Variants in PIK3CG observed in about 807,000 individuals in gnomAD.
PIK3CG encodes phosphatidylinositol 4,5-bisphosphate 3-kinase catalytic subunit gamma isoform.
PIK3CG carries 55 observed loss-of-function variants against 102.3 expected under a neutral mutation model. The observed-to-expected ratio is 0.54, with a 90% CI of 0.43 to 0.67. The LOEUF is 0.67. Ranked by LOEUF, PIK3CG falls within the 30% of genes least tolerant of loss-of-function variation. The pLI is 0.00. For synonymous variants in PIK3CG, 552 were observed against 540.0 expected (o/e 1.02, Z -0.31); for missense variants, 1,258 against 1,391.8 (o/e 0.90, Z 1.53).
chr7:106,898,854 G>C (rs560621184), intron 10 of PIK3CG, among the ~76,000 whole-genome samples: 26 of 152,102 alleles, frequency 1.7e-4, no homozygotes, highest in African/African-American at 6.0e-4. Context: ...TTGGCTATTT[G>C]GGCTCTTTTT....
At chr7:106,885,332 GAGAAAGAAC>G (rs1791054391) in intron 9 of PIK3CG, among the ~76,000 whole-genome samples, 1 of 152,160 alleles carries the variant, frequency 6.6e-6, no homozygotes, top group African/African-American at 2.4e-5. Flanking sequence ...AGATGTTGCA[GAGAAAGAAC>G]AGAAAGAACT....
chr7:106,905,344 A>C lies in PIK3CG; in HGVS notation c.3266A>C (p.His1089Pro), dbSNP rs2116619706. ...ACTGTGCAGTTTAATTGGTTTCTAC[A>C]TCTTGTTCTTGGCATCAAACAAGGA... Reference protein sequence around the residue: ...GWTVQFNWFLHLVLGIKQGEK... With the variant: ...GWTVQFNWFLPLVLGIKQGEK... Residue 1089 changes from histidine (H) to proline (P), a missense_variant, in exon 11 of 11, where the codon CAT becomes CCT. By Grantham distance (77) the His-to-Pro change is moderately conservative. This residue lies in a region of PIK3CG where 426 missense variants were observed against 604.2 expected (regional missense o/e 0.71). Coordinates refer to ENST00000496166, the MANE Select transcript of PIK3CG (RefSeq NM_001282426.2). The surrounding 1 kb of genome is among the most constrained non-coding windows in gnomAD (Gnocchi z 5.6). The C allele has an allele frequency of 6.2e-7, 1 of 1,614,076 alleles. No individual in the cohort carries two copies. The highest frequency in any genetic ancestry group is 8.5e-7 in the Non-Finnish European group (1 of 1,179,924).
Position 106,867,520 on chromosome 7 carries a change from T to C in PIK3CG, c.-12-30T>C, listed in dbSNP as rs2116414729. On this transcript the variant is annotated intron_variant, in intron 1 of 10. Coordinates refer to ENST00000496166, the MANE Select transcript of PIK3CG (RefSeq NM_001282426.2). This position sits in a 1 kb window ranked among gnomAD's most constrained non-coding sequence, Gnocchi z 5.1. ...ATATAAGGGGAAAGTGCCTTTCTTG[T>C]GACAAATCCCTGTGTCCCTCCGCTC... is the stretch of plus-strand genomic sequence containing the variant. 1 of 1,515,700 alleles carries C rather than the reference T, an allele frequency of 6.6e-7. No homozygotes were observed. The highest frequency in any genetic ancestry group is 8.8e-7 in the Non-Finnish European group (1 of 1,132,478). 93.9% of individuals were successfully genotyped at this position (1,515,700 alleles called of 1,614,324 possible). A position where few individuals can be genotyped will look rare whatever the true frequency, so the allele number is the denominator to read the frequency against.
Position 106,903,490 on chromosome 7 carries a change from A to G in PIK3CG, c.3031-1619A>G, listed in dbSNP as rs1316171214. ...TTTAAGAGTATAAAAATTATAAATT[A>G]TAAAAATTATAAAAGCATAGGTTCT... is the stretch of plus-strand genomic sequence containing the variant. On this transcript the variant is annotated intron_variant, in intron 10 of 10. Coordinates refer to ENST00000496166, the MANE Select transcript of PIK3CG (RefSeq NM_001282426.2). The surrounding 1 kb of genome is among the most constrained non-coding windows in gnomAD (Gnocchi z 4.3). Among the ~76,000 whole-genome samples the G allele has an allele frequency of 6.6e-6, 1 of 151,820 alleles. No individual in the cohort carries two copies. Among genetic ancestry groups the G allele is most frequent in the Non-Finnish European group, 1.5e-5 (1 of 67,948 alleles).
rs1468376865 is a variant in PIK3CG at position 106,903,547 on chromosome 7, GTTA to G, written c.3031-1559_3031-1557del. ...TTTATGTGTTCATCCTAGGAATCATGTTATTGTTGTTACCATTGATTTTAGCAT... is the reference window on the plus strand; with the variant it reads ...TTTATGTGTTCATCCTAGGAATCATGTTGTTGTTACCATTGATTTTAGCAT... On this transcript the variant is annotated intron_variant, in intron 10 of 10. Transcript: ENST00000496166. This position sits in a 1 kb window ranked among gnomAD's most constrained non-coding sequence, Gnocchi z 4.3. Among the ~76,000 whole-genome samples the G allele has an allele frequency of 6.6e-6, 1 of 151,704 alleles. No individual in the cohort carries two copies.
chr7:106,896,716 G>A (rs537379319), intron 10 of PIK3CG, among the ~76,000 whole-genome samples: 1 of 152,284 alleles, frequency 6.6e-6, no homozygotes, highest in African/African-American at 2.4e-5. Context: ...AATGCAGAGG[G>A]GATGGTAGGC....
chr7:106,901,799 G>T (rs944744748), intron 10 of PIK3CG, among the ~76,000 whole-genome samples: 1 of 152,184 alleles, frequency 6.6e-6, no homozygotes, highest in Non-Finnish European at 1.5e-5. Context: ...CTGACTTCTT[G>T]TCCCTGGTTT....
chr7:106,878,496 G>GGCTCAGTCTGGATTTCCTTCCTCTGT, intron 5 of PIK3CG, among the ~76,000 whole-genome samples: 1 of 152,000 alleles, frequency 6.6e-6, no homozygotes, highest in African/African-American at 2.4e-5. Context: ...CTGGACTCTG[G>GGCTCAGTCTGGATTTCCTTCCTCTGT]GCTCAGTCTG....
chr7:106,890,923 A>T lies in PIK3CG; in HGVS notation c.3030+4631A>T, dbSNP rs1167970515. Among the ~76,000 whole-genome samples, 1 of 152,238 alleles carries T rather than the reference A, an allele frequency of 6.6e-6. No individual in the cohort carries two copies. The highest frequency in any genetic ancestry group is 6.5e-5 in the Admixed American group (1 of 15,288). On this transcript the variant is annotated intron_variant, in intron 10 of 10. Coordinates refer to ENST00000496166, the MANE Select transcript of PIK3CG (RefSeq NM_001282426.2). The surrounding 1 kb of genome is among the most constrained non-coding windows in gnomAD (Gnocchi z 4.2). ...ATGCTCTGTGCTGCCCTGTGGTCTC[A>T]GCATAAATGTCATTCTGCAGAGCAG...
chr7:106,868,656 C>G lies in PIK3CG; in HGVS notation c.1095C>G (p.Ile365Met), dbSNP rs1209717028. 1 of 1,614,096 alleles carries G rather than the reference C, an allele frequency of 6.2e-7. No individual in the cohort carries two copies. The highest frequency in any genetic ancestry group is 1.3e-5 in the African/African-American group (1 of 74,946). ...WDCDRKFRVK[I>M]RGIDIPVLPR... is the part of the protein sequence containing the mutation. The stretch of plus-strand genomic sequence containing the variant: ...GCGACCGCAAGTTCAGGGTCAAGAT[C>G]AGAGGCATTGATATCCCCGTCCTGC... Residue 365 changes from isoleucine (I) to methionine (M), a missense_variant, in exon 2 of 11, where the codon ATC (isoleucine) becomes ATG (methionine). By Grantham distance (10) the Ile-to-Met change is conservative. This residue lies in a region of PIK3CG where 832 missense variants were observed against 787.5 expected (regional missense o/e 1.06). Coordinates refer to ENST00000496166, the MANE Select transcript of PIK3CG (RefSeq NM_001282426.2). The surrounding 1 kb of genome is among the most constrained non-coding windows in gnomAD (Gnocchi z 6.2).
chr7:106,883,800 T>C lies in PIK3CG; in HGVS notation c.2761-355T>C, dbSNP rs1791010032. ...TGGGGATCTGTGAACCCAAGCATAC[T>C]CTTAGTGGTCACAAGCAAAACATGT... On this transcript the variant is annotated intron_variant, in intron 8 of 10. Coordinates refer to ENST00000496166, the MANE Select transcript of PIK3CG (RefSeq NM_001282426.2). This position sits in a 1 kb window ranked among gnomAD's most constrained non-coding sequence, Gnocchi z 5.8. Among the ~76,000 whole-genome samples, 1 of 152,208 alleles carries C rather than the reference T, an allele frequency of 6.6e-6. No individual in the cohort carries two copies.
rs1186687728 is a variant in PIK3CG, at chr7:106,868,231, A to G, written c.670A>G (p.Ile224Val). 8 of 1,612,890 alleles carry G rather than the reference A, an allele frequency of 5.0e-6. No individual in the cohort carries two copies. The highest frequency in any genetic ancestry group is 6.8e-6 in the Non-Finnish European group (8 of 1,180,012). Residue 224 changes from isoleucine (I) to valine (V), a missense_variant, in exon 2 of 11, where the codon ATT becomes GTT. Coordinates refer to ENST00000496166, the MANE Select transcript of PIK3CG (RefSeq NM_001282426.2). This position sits in a 1 kb window ranked among gnomAD's most constrained non-coding sequence, Gnocchi z 6.2. Reference sequence around the variant, plus strand: ...TGCCAACAACTGCATCTTCATCGTCATTCACCGCAGCACCACCAGCCAGAC... The same window carrying G: ...TGCCAACAACTGCATCTTCATCGTCGTTCACCGCAGCACCACCAGCCAGAC... ...KIANNCIFIV[I>V]HRSTTSQTIK... is the part of the protein sequence containing the mutation.
rs936320603 is a variant in PIK3CG, at chr7:106,907,779, AAT to A, written c.*2403_*2404del. Among the ~76,000 whole-genome samples, 41 of 147,132 alleles carry A rather than the reference AAT, an allele frequency of 2.8e-4. No homozygotes were observed. The highest frequency in any genetic ancestry group is 4.4e-4 in the African/African-American group (18 of 40,530). On this transcript the variant is annotated 3_prime_UTR_variant, in exon 11 of 11. Coordinates refer to ENST00000496166, the MANE Select transcript of PIK3CG (RefSeq NM_001282426.2). Reference sequence around the variant, plus strand: ...AATATATATATAACATATATATGCTAATATATATATATCACACATATATATCA... The same window carrying A: ...AATATATATATAACATATATATGCTAATATATATATCACACATATATATCA...
chr7:106,879,718 A>T lies in PIK3CG; in HGVS notation c.2538+53A>T. ...TTATCTGAAAACAATTCTATATTACATCAAAAACATGCTTTCTCCTACTGG... is the reference window on the plus strand; with the variant it reads ...TTATCTGAAAACAATTCTATATTACTTCAAAAACATGCTTTCTCCTACTGG... On this transcript the variant is annotated intron_variant, in intron 6 of 10. Transcript: ENST00000496166. This position sits in a 1 kb window ranked among gnomAD's most constrained non-coding sequence, Gnocchi z 4.9. The T allele has an allele frequency of 7.4e-7, 1 of 1,354,272 alleles. No individual in the cohort carries two copies. Among genetic ancestry groups the T allele is most frequent in the Non-Finnish European group, 1.0e-6 (1 of 954,554 alleles). 83.9% of individuals were successfully genotyped at this position (1,354,272 alleles called of 1,614,324 possible). A position where few individuals can be genotyped will look rare whatever the true frequency, so the allele number is the denominator to read the frequency against.
chr7:106,905,426 G>C lies in PIK3CG; in HGVS notation c.*39G>C, dbSNP rs1791663016. 4 of 1,567,480 alleles carry C rather than the reference G, an allele frequency of 2.6e-6. No homozygotes were observed. The highest frequency in any genetic ancestry group is 3.5e-6 in the Non-Finnish European group (4 of 1,151,870). Reference sequence around the variant, plus strand: ...AATCAAAAACAAGTTAGTGTTCTATGGTTTAAATTAGCATAGCAATCATCG... The same window carrying C: ...AATCAAAAACAAGTTAGTGTTCTATCGTTTAAATTAGCATAGCAATCATCG... On this transcript the variant is annotated 3_prime_UTR_variant, in exon 11 of 11. Coordinates refer to ENST00000496166, the MANE Select transcript of PIK3CG (RefSeq NM_001282426.2). This position sits in a 1 kb window ranked among gnomAD's most constrained non-coding sequence, Gnocchi z 5.6.
chr7:106,875,703 G>A (rs1247836782), intron 5 of PIK3CG, among the ~76,000 whole-genome samples: 1 of 152,188 alleles, frequency 6.6e-6, no homozygotes, highest in East Asian at 1.9e-4. Flanking sequence ...GTAGTCCCTT[G>A]TATGGATATA....
Position 106,893,985 on chromosome 7 carries a change from A to G in PIK3CG, c.3030+7693A>G, listed in dbSNP as rs749936636. Among the ~76,000 whole-genome samples the G allele has an allele frequency of 6.6e-6, 1 of 152,232 alleles. No individual in the cohort carries two copies. Among genetic ancestry groups the G allele is most frequent in the Non-Finnish European group, 1.5e-5 (1 of 68,040 alleles). ...GTATCTAAACACATCTGAACGGAAAAGGAACAGTAAAAATATGGAATTATA... is the reference window on the plus strand; with the variant it reads ...GTATCTAAACACATCTGAACGGAAAGGGAACAGTAAAAATATGGAATTATA... On this transcript the variant is annotated intron_variant, in intron 10 of 10. Coordinates refer to ENST00000496166, the MANE Select transcript of PIK3CG (RefSeq NM_001282426.2). This position sits in a 1 kb window ranked among gnomAD's most constrained non-coding sequence, Gnocchi z 4.4.
chr7:106,885,978 T>C (rs527551466), intron 9 of PIK3CG, among the ~76,000 whole-genome samples, 157 bp from the exon 10 acceptor site: 1 of 152,332 alleles, frequency 6.6e-6, no homozygotes, highest in African/African-American at 2.4e-5. Flanking sequence ...GCTACGACTT[T>C]CACACACCTG....
Position 106,869,684 on chromosome 7 carries a change from TG to T in PIK3CG, c.1995+129del. The T allele has an allele frequency of 1.3e-6, 1 of 753,440 alleles. No homozygotes were observed. Among genetic ancestry groups the T allele is most frequent in the Middle Eastern group, 2.9e-4 (1 of 3,508 alleles). 46.7% of individuals were successfully genotyped at this position (753,440 alleles called of 1,614,324 possible). A position where few individuals can be genotyped will look rare whatever the true frequency, so the allele number is the denominator to read the frequency against. The stretch of plus-strand genomic sequence containing the variant: ...GCTTCATCATCGGCAAAAGTAGATA[TG>T]ATGAAGCTGCCTCAAAAAGTAGTAA... On this transcript the variant is annotated intron_variant, in intron 2 of 10. Coordinates refer to ENST00000496166, the MANE Select transcript of PIK3CG (RefSeq NM_001282426.2). This position sits in a 1 kb window ranked among gnomAD's most constrained non-coding sequence, Gnocchi z 5.3.
Sources: allele counts gnomAD v4.1 joint callset (sites outside exome capture counted in the v4.1 genomes callset), GRCh38; gene constraint gnomAD v4.1.1; regional missense constraint gnomAD v4.1.1; non-coding constraint Gnocchi (gnomAD v3.1); transcripts MANE v1.5; gene names NCBI Gene and HGNC (gene_info 2026-07-23, HGNC 2026-07-21).